The following EPC1 variants were observed in gnomAD, a reference collection of about 807,000 sequenced individuals.
EPC1 encodes the protein enhancer of polycomb homolog 1.
Under a neutral mutation model 98.4 loss-of-function variants are expected in EPC1, and 12 were observed. The ratio of observed to expected loss-of-function variants is 0.12; its 90% CI spans 0.08 to 0.20. The LOEUF (loss-of-function observed/expected upper bound fraction) is 0.20. Ranked by LOEUF, EPC1 falls within the 10% of genes least tolerant of loss-of-function variation. EPC1 has a pLI of 1.00. For synonymous variants in EPC1, 357 were observed against 363.9 expected (o/e 0.98, Z 0.21); for missense variants, 729 against 990.5 (o/e 0.74, Z 3.54).
rs1564534295 is a variant in EPC1, at chr10:32,301,082, CTATCTAT to C, written c.313+4683_313+4689del. The stretch of plus-strand genomic sequence containing the variant: ...TCTATCTATCTATCTATCTATCTAT[CTATCTAT>C]CTGCCTGCCTACCTACCTACGTACC... On this transcript the variant is annotated intron_variant, in intron 2 of 13. Transcript: ENST00000319778. Among the ~76,000 whole-genome samples the C allele has an allele frequency of 2.9e-3, 439 of 152,084 alleles. 1 individual carries two copies. Among genetic ancestry groups the C allele is most frequent in the African/African-American group, 9.9e-3 (410 of 41,440 alleles).
chr10:32,368,522 G>T (rs1839663257), intron 1 of EPC1, among the ~76,000 whole-genome samples: 1 of 152,062 alleles, frequency 6.6e-6, no homozygotes, highest in Non-Finnish European at 1.5e-5. Context: ...TTCCTTTATG[G>T]CTCAGGGAAG....
At chr10:32,312,958 G>A (rs763055599) in intron 1 of EPC1, among the ~76,000 whole-genome samples, 1 of 152,112 alleles carries the variant, frequency 6.6e-6, no homozygotes, top group Non-Finnish European at 1.5e-5. Context: ...TTATACAAGT[G>A]TAAATTACAA....
In EPC1 at chr10:32,331,682, T is replaced by G. The variant is rs1837649983; in HGVS notation, c.153+15081A>C. Among the ~76,000 whole-genome samples, 3 of 152,220 alleles carry G rather than the reference T, an allele frequency of 2.0e-5. No individual in the cohort carries two copies. The South Asian group carries it at 6.2e-4, about 31-fold the overall frequency. ...GACTTTAAAAAAGACTACCTCAGAT[T>G]GTTTTATTTACCATGTGAATTATAA... is the stretch of plus-strand genomic sequence containing the variant. On this transcript the variant is annotated intron_variant, in intron 1 of 13. Transcript: ENST00000319778.
At chr10:32,332,100 C>A (rs1461241328) in intron 1 of EPC1, among the ~76,000 whole-genome samples, 1 of 152,162 alleles carries the variant, frequency 6.6e-6, no homozygotes, top group Non-Finnish European at 1.5e-5. Flanking sequence ...TGCAATATTA[C>A]GCCTTTAAGA....
At chr10:32,271,140 C>T (rs1352969137) in intron 13 of EPC1, among the ~76,000 whole-genome samples, 10 of 151,934 alleles carry the variant, frequency 6.6e-5, no homozygotes, top group Non-Finnish European at 1.5e-4. Flanking sequence ...TACAGGCATG[C>T]GCCACCATGC....
At chr10:32,343,106 G>A (rs948279227) in intron 1 of EPC1, among the ~76,000 whole-genome samples, 7 of 147,798 alleles carry the variant, frequency 4.7e-5, no homozygotes, top group Non-Finnish European at 1.0e-4. Flanking sequence ...AACCCCAAAG[G>A]GACTCAATTA....
At chr10:32,374,490 T>A (rs1839831384) in intron 1 of EPC1, 1 of 152,128 alleles carries the variant, frequency 6.6e-6, no homozygotes, top group South Asian at 2.1e-4. Flanking sequence ...CATTTCTCAT[T>A]TTGCAATAGG....
At chr10:32,376,920 A>T (rs1170578930) in intron 1 of EPC1, among the ~76,000 whole-genome samples, 1 of 152,122 alleles carries the variant, frequency 6.6e-6, no homozygotes, top group Non-Finnish European at 1.5e-5. Flanking sequence ...TTTCTTTTTG[A>T]ACTAAGGGCA....
chr10:32,295,693 C>T (rs2132752259), intron 2 of EPC1, among the ~76,000 whole-genome samples: 1 of 152,290 alleles, frequency 6.6e-6, no homozygotes, highest in Middle Eastern at 3.4e-3. Context: ...ATGGTAACCA[C>T]TAGCCATGTG....
intron 1 of EPC1, among the ~76,000 whole-genome samples, chr10:32,324,853 C>T (rs1837175235): frequency 6.6e-6 from 1 of 151,994 alleles, no homozygotes. Flanking sequence ...ATTAGCTGGG[C>T]GTGGTGGCTG....
intron 1 of EPC1, among the ~76,000 whole-genome samples, chr10:32,309,918 G>A (rs1836107270): frequency 6.6e-6 from 1 of 151,482 alleles, no homozygotes; most frequent in Non-Finnish European, 1.5e-5. Context: ...GCTTTGGCCA[G>A]GTGTGGTGGC....
intron 3 of EPC1, 136 bp downstream of exon 3, chr10:32,293,456 A>G: frequency 2.3e-6 from 2 of 872,722 alleles, no homozygotes; most frequent in East Asian, 5.3e-5. Flanking sequence ...ATAAGCAGAG[A>G]TGAGATTTGA....
intron 1 of EPC1, among the ~76,000 whole-genome samples, chr10:32,359,239 A>G (rs2133098172): frequency 6.6e-6 from 1 of 152,342 alleles, no homozygotes; most frequent in Non-Finnish European, 1.5e-5. Context: ...TTAAAATATT[A>G]TCCTTATCAC....
At chr10:32,328,557 C>T (rs1201383474) in intron 1 of EPC1, among the ~76,000 whole-genome samples, 3 of 152,194 alleles carry the variant, frequency 2.0e-5, no homozygotes, top group African/African-American at 4.8e-5. Flanking sequence ...CCAATGACTA[C>T]TTCAGATGAG....
chr10:32,372,344 C>T (rs1402606586), intron 1 of EPC1, among the ~76,000 whole-genome samples: 2 of 152,184 alleles, frequency 1.3e-5, no homozygotes, highest in African/African-American at 4.8e-5. Flanking sequence ...TGAAAGCTTC[C>T]ATATATGCCA....
upstream of EPC1, chr10:32,347,242 T>G: frequency 8.4e-7 from 1 of 1,188,858 alleles, no homozygotes; most frequent in Admixed American, 4.4e-5. Context: ...GAGCGCGGGC[T>G]CGAGGCCGGC....
At chr10:32,300,054 G>A (rs1835403286) in intron 2 of EPC1, among the ~76,000 whole-genome samples, 2 of 151,618 alleles carry the variant, frequency 1.3e-5, no homozygotes, top group African/African-American at 4.8e-5. Context: ...TGGGACTACA[G>A]GCACCTGCCA....
rs760810701 is a variant in EPC1, at chr10:32,293,153, A to T, written c.501T>A (p.Asp167Glu). 3.7e-6 allele frequency: 6 copies of T among 1,613,168 alleles called. No individual in the cohort carries two copies. The highest frequency in any genetic ancestry group is 2.2e-5 in the East Asian group (1 of 44,834). Residue 167 changes from aspartate (D) to glutamate (E), a missense_variant, in exon 4 of 14, where the codon GAT (aspartate) becomes GAA (glutamate). Around this residue, in one of 6 missense-constraint regions of EPC1, gnomAD observed 94 missense variants for 125.1 expected, o/e 0.75. Coordinates refer to ENST00000319778, the MANE Select transcript of EPC1 (RefSeq NM_001272004.3). The stretch of plus-strand genomic sequence containing the variant: ...CATAAACTTCTCTAATTAGTTCATC[A>T]TCTTCTTTTAGCAGTAGTTTGGCTT... ...LQEAKLLLKE[D>E]DELIREVYEY... is the part of the protein sequence containing the mutation.
At chr10:32,320,636 C>T (rs1279292136) in intron 1 of EPC1, among the ~76,000 whole-genome samples, 1 of 151,980 alleles carries the variant, frequency 6.6e-6, no homozygotes, top group Non-Finnish European at 1.5e-5. Flanking sequence ...GCTCTGTTGC[C>T]CCTGCTGGAG....
Sources: allele counts gnomAD v4.1 joint callset (sites outside exome capture counted in the v4.1 genomes callset), GRCh38; gene constraint gnomAD v4.1.1; regional missense constraint gnomAD v4.1.1; transcripts MANE v1.5; gene names NCBI Gene and HGNC (gene_info 2026-07-23, HGNC 2026-07-21).